SFPQ: variants seen among roughly 807,000 people sequenced by gnomAD.
The protein encoded by SFPQ is splicing factor proline and glutamine rich.
SFPQ carries 11 observed loss-of-function variants against 72.9 expected under a neutral mutation model. That is an observed-to-expected ratio of 0.15 (90% CI 0.09 to 0.25). SFPQ has a LOEUF of 0.25. Ranked by LOEUF, SFPQ falls within the 10% of genes least tolerant of loss-of-function variation. The probability of loss-of-function intolerance (pLI) is 1.00; values close to 1 mark genes in which losing one functional copy is unlikely to be tolerated. For missense variants in SFPQ, 847 were observed against 993.3 expected (o/e 0.85, Z 1.98); for synonymous variants, 506 against 367.3 (o/e 1.38, Z -4.32).
rs1639768954 is a variant in SFPQ, at chr1:35,187,320, A to G, written c.1816-69T>C. 7 of 1,356,468 alleles carry G rather than the reference A, an allele frequency of 5.2e-6. No homozygotes were observed. In the Admixed American group the frequency reaches 1.3e-4, roughly 25 times the overall value. The allele number at this position is 1,356,468 out of a possible 1,614,324, so 84.0% of individuals were successfully genotyped here. A position where few individuals can be genotyped will look rare whatever the true frequency, so the allele number is the denominator to read the frequency against. ...CAGCAAGCATTCTTAAGAACTGAGA[A>G]ATTTTCAAGAGTTAAATAAAAAACA... On this transcript the variant is annotated intron_variant, in intron 7 of 9. Transcript: ENST00000357214.
chr1:35,181,075 T>C (rs1271792570), downstream of SFPQ: 1 of 1,065,082 alleles, frequency 9.4e-7, no homozygotes, highest in East Asian at 5.0e-5. Flanking sequence ...GATGCCAGAA[T>C]GCCCACGGAA....
At chr1:35,188,687 C>T (rs1248546079) in intron 6 of SFPQ, among the ~76,000 whole-genome samples, 2 of 152,094 alleles carry the variant, frequency 1.3e-5, no homozygotes, top group Admixed American at 6.6e-5. Context: ...CCAAGCGTGG[C>T]GGCTCATGCC....
Position 35,193,055 on chromosome 1 carries a change from T to G in SFPQ, c.-6A>C. ...CGGAACCGATCCCGAGACATGTCTG[T>G]GGTCAAGGGGCGGTCGAGGCAAAAG... On this transcript the variant is annotated 5_prime_UTR_variant, in exon 1 of 10. Transcript: ENST00000357214. 1.3e-6 allele frequency: 2 copies of G among 1,567,494 alleles called. No homozygotes were observed. The highest frequency in any genetic ancestry group is 1.7e-6 in the Non-Finnish European group (2 of 1,165,554).
chr1:35,181,790 T>A, downstream of SFPQ: 6 of 984,980 alleles, frequency 6.1e-6, no homozygotes, highest in Non-Finnish European at 7.2e-6. Context: ...TAGGAAACTA[T>A]TAAGATTATT....
downstream of SFPQ, chr1:35,178,837 C>T (rs1243506670): frequency 1.9e-6 from 2 of 1,052,582 alleles, no homozygotes; most frequent in East Asian, 5.4e-5. Flanking sequence ...CATTCTTCCC[C>T]CCATTCTCCA....
downstream of SFPQ, chr1:35,179,125 C>T: frequency 9.4e-7 from 1 of 1,058,896 alleles, no homozygotes; most frequent in Middle Eastern, 4.2e-4. Context: ...AAAGCCAAAA[C>T]CAAATAAAGG....
At chr1:35,192,096 CGCAGCGGCGCGCGCAA>C in intron 1 of SFPQ, 110 bp downstream of exon 1, 4 of 768,916 alleles carry the variant, frequency 5.2e-6, no homozygotes. Context: ...GCCCCGCCCC[CGCAGCGGCGCGCGCAA>C]GCGCCCCTTC....
Position 35,192,850 on chromosome 1 carries a change from TG to T in SFPQ, c.199del (p.Gln67AsnfsTer55). On this transcript the variant is annotated frameshift_variant, in exon 1 of 10. Transcript: ENST00000357214. LOFTEE classifies it high-confidence loss of function. ...CTGCGGTGGTGGCTGTTGCTGCTGTTGGTGTGGAGGCGGTGGCGGGATCGGA... is the reference window on the plus strand; with the variant it reads ...CTGCGGTGGTGGCTGTTGCTGCTGTTGTGTGGAGGCGGTGGCGGGATCGGA... ...KPPIPPPPPH[Q>X]QQQQPPPQQP... 6.5e-7 allele frequency: 1 copy of T among 1,532,922 alleles called. No individual in the cohort carries two copies. The highest frequency in any genetic ancestry group is 8.7e-7 in the Non-Finnish European group (1 of 1,148,394). The allele number at this position is 1,532,922 out of a possible 1,614,324, so 95.0% of individuals were successfully genotyped here. A position where few individuals can be genotyped will look rare whatever the true frequency, so the allele number is the denominator to read the frequency against.
chr1:35,181,508 T>C (rs1639465291), downstream of SFPQ: 1 of 1,063,472 alleles, frequency 9.4e-7, no homozygotes, highest in Non-Finnish European at 1.1e-6. Context: ...ATGAGTTTAA[T>C]GTTCTAAGCA....
chr1:35,180,619 A>T, downstream of SFPQ: 5 of 1,049,912 alleles, frequency 4.8e-6, no homozygotes, highest in Non-Finnish European at 5.7e-6. Flanking sequence ...CCATGTTTTT[A>T]AAAATTTTAA....
Position 35,193,066 on chromosome 1 carries a change from C to A in SFPQ, c.-17G>T. 6.5e-7 allele frequency: 1 copy of A among 1,540,152 alleles called. No individual in the cohort carries two copies. ...CCGAGACATGTCTGTGGTCAAGGGG[C>A]GGTCGAGGCAAAAGCGAAGAAGACG... On this transcript the variant is annotated 5_prime_UTR_variant, in exon 1 of 10. Transcript: ENST00000357214.
downstream of SFPQ, chr1:35,181,729 C>G: frequency 9.4e-7 from 1 of 1,060,726 alleles, no homozygotes; most frequent in East Asian, 5.2e-5. Flanking sequence ...GGCTAAAATA[C>G]TTCAAAAATT....
chr1:35,187,286 C>T (rs1193466815), intron 7 of SFPQ, 35 bp from the exon 8 acceptor site: 1 of 1,591,618 alleles, frequency 6.3e-7, no homozygotes, highest in East Asian at 2.2e-5. Flanking sequence ...TATACCTGCA[C>T]TATACCCACA....
rs913186427 is a variant in SFPQ at position 35,191,250 on chromosome 1, C to A, written c.1017+91G>T. ...AATCTAAAAGATCAATTTATCCTCC[C>A]CAGTTTAAAAACCAAGCCTTCAGCG... is the stretch of plus-strand genomic sequence containing the variant. On this transcript the variant is annotated intron_variant, in intron 2 of 9. Transcript: ENST00000357214. The A allele has an allele frequency of 1.6e-5, 17 of 1,077,746 alleles. No individual in the cohort carries two copies. In the African/African-American group the frequency reaches 2.2e-4, roughly 14 times the overall value. The allele number at this position is 1,077,746 out of a possible 1,614,324, so 66.8% of individuals were successfully genotyped here.
intron 9 of SFPQ, among the ~76,000 whole-genome samples, chr1:35,185,551 C>T (rs981254107): frequency 6.6e-6 from 1 of 152,130 alleles, no homozygotes; most frequent in African/African-American, 2.4e-5. Context: ...AAATAGCAGA[C>T]CCCTCAGGTA....
At chr1:35,192,101 CGG>C in intron 1 of SFPQ, 119 bp downstream of exon 1, 3 of 812,118 alleles carry the variant, frequency 3.7e-6, no homozygotes, top group Non-Finnish European at 4.9e-6. Flanking sequence ...GCCCCCGCAG[CGG>C]CGCGCGCAAG....
chr1:35,191,114 T>TAG (rs1553154065), intron 2 of SFPQ, 119 bp from the exon 3 acceptor site: 1 of 955,810 alleles, frequency 1.0e-6, no homozygotes, highest in African/African-American at 1.7e-5. Context: ...CCATTACCTT[T>TAG]AGGCAGCACC....
rs1640086413 is a variant in SFPQ at position 35,192,647 on chromosome 1, T to C, written c.403A>G (p.Thr135Ala). Residue 135 changes from threonine (T) to alanine (A), a missense_variant, in exon 1 of 10, where the codon ACT (threonine) becomes GCT (alanine). Physicochemically the swap from Thr to Ala is moderately conservative, Grantham distance 58. Coordinates refer to ENST00000357214, the MANE Select transcript of SFPQ (RefSeq NM_005066.3). ...GGCGGGGCCCCCGAGGTTGGTGGAG[T>C]GGCGGGCGGGGCCGAGCTGGAGGCT... ...PPASSSAPPA[T>A]PPTSGAPPGS... 2 of 1,377,204 alleles carry C rather than the reference T, an allele frequency of 1.5e-6. No homozygotes were observed. The allele number at this position is 1,377,204 out of a possible 1,614,324, so 85.3% of individuals were successfully genotyped here.
chr1:35,183,832 C>T lies in SFPQ; in HGVS notation c.*624G>A. ...TTACACCCATTCCACAATCTTAATA[C>T]ATATTCCTGAAGATTTACAGTTCAG... On this transcript the variant is annotated 3_prime_UTR_variant, in exon 10 of 10. Transcript: ENST00000357214. 1.9e-6 allele frequency: 2 copies of T among 1,055,558 alleles called. No individual in the cohort carries two copies. Among genetic ancestry groups the T allele is most frequent in the Non-Finnish European group, 2.3e-6 (2 of 873,022 alleles). The allele number at this position is 1,055,558 out of a possible 1,614,324, so 65.4% of individuals were successfully genotyped here.
Sources: gnomAD v4.1 joint callset for allele counts (sites outside exome capture counted in the v4.1 genomes callset) on GRCh38, gnomAD v4.1.1 for gene constraint, MANE v1.5 for transcripts, NCBI Gene and HGNC (gene_info 2026-07-23, HGNC 2026-07-21) for gene names.